The following GPC6 variants were observed in gnomAD, a reference collection of about 807,000 sequenced individuals.
The protein encoded by GPC6 is glypican-6.
In GPC6, 14 loss-of-function variants were observed where a neutral mutation model predicts 55.2. The ratio of observed to expected loss-of-function variants is 0.25; its 90% CI spans 0.17 to 0.40. GPC6 has a LOEUF of 0.40. Among genes scored for constraint, GPC6 ranks in the 10% least tolerant of loss-of-function variants. GPC6 has a pLI of 1.00. For synonymous variants in GPC6, 278 were observed against 259.6 expected (o/e 1.07, Z -0.68); for missense variants, 641 against 708.5 (o/e 0.90, Z 1.08).
intron 1 of GPC6, among the ~76,000 whole-genome samples, chr13:93,442,492 C>A (rs755347178): frequency 6.6e-6 from 1 of 152,136 alleles, no homozygotes; most frequent in Admixed American, 6.6e-5. Context: ...TTTATATCAT[C>A]CTTCTACCAC....
chr13:93,254,715 AAATAGAGAG>A (rs1173228303), intron 1 of GPC6, among the ~76,000 whole-genome samples: 1 of 152,150 alleles, frequency 6.6e-6, no homozygotes, highest in African/African-American at 2.4e-5. Flanking sequence ...TATAAAAAAA[AAATAGAGAG>A]AGTGAGGATG....
At chr13:94,000,732 C>T (rs1881759299) in intron 3 of GPC6, among the ~76,000 whole-genome samples, 1 of 152,158 alleles carries the variant, frequency 6.6e-6, no homozygotes, top group Admixed American at 6.6e-5. Flanking sequence ...TGCATTTACA[C>T]AGCACTTTGC....
At chr13:94,273,616 T>A (rs1002314508) in intron 4 of GPC6, among the ~76,000 whole-genome samples, 1 of 152,214 alleles carries the variant, frequency 6.6e-6, no homozygotes, top group African/African-American at 2.4e-5. Context: ...AGGGTAAGCA[T>A]GTTGATGCTA....
At chr13:94,028,908 G>A (rs1279145104) in intron 4 of GPC6, among the ~76,000 whole-genome samples, 1 of 152,146 alleles carries the variant, frequency 6.6e-6, no homozygotes, top group African/African-American at 2.4e-5. Flanking sequence ...GAGTAAATGT[G>A]TTTTCTCCCC....
chr13:93,584,684 GTTTTTTTTTTTT>G (rs779571682), intron 2 of GPC6, among the ~76,000 whole-genome samples: 2 of 95,572 alleles, frequency 2.1e-5, no homozygotes, highest in African/African-American at 9.4e-5. Flanking sequence ...CCTTCTGAAA[GTTTTTTTTTTTT>G]TTTTTTTTTT....
chr13:94,382,601 T>C (rs1199441940), intron 7 of GPC6, 51 bp downstream of exon 7: 1 of 1,610,642 alleles, frequency 6.2e-7, no homozygotes, highest in Non-Finnish European at 8.5e-7. Context: ...CACCCAGCCT[T>C]GGAAGACTCT....
chr13:93,710,301 A>G (rs1019743445), intron 2 of GPC6, among the ~76,000 whole-genome samples: 1 of 151,868 alleles, frequency 6.6e-6, no homozygotes, highest in Non-Finnish European at 1.5e-5. Context: ...GATAGTATGC[A>G]TATCTGTCAT....
intron 1 of GPC6, among the ~76,000 whole-genome samples, chr13:93,393,109 T>G (rs1243229921): frequency 3.3e-5 from 3 of 91,040 alleles, no homozygotes; most frequent in East Asian, 3.4e-4. Flanking sequence ...GTATATTTGA[T>G]ATATATATAT....
chr13:94,373,500 C>G (rs1057370801), intron 6 of GPC6, among the ~76,000 whole-genome samples: 9 of 151,936 alleles, frequency 5.9e-5, no homozygotes, highest in South Asian at 2.1e-4. Flanking sequence ...GAAGCGAGAA[C>G]GGAAGTTTAG....
At chr13:93,914,639 C>T (rs767063081) in intron 3 of GPC6, among the ~76,000 whole-genome samples, 2 of 152,206 alleles carry the variant, frequency 1.3e-5, no homozygotes, top group Non-Finnish European at 2.9e-5. Flanking sequence ...CATTTTATAA[C>T]ATCTGCTAAT....
rs147522910 is a variant in GPC6, at chr13:93,754,629, T to C, written c.320-75525T>C. Among the ~76,000 whole-genome samples the C allele has an allele frequency of 2.8e-3, 427 of 151,852 alleles. 1 individual carries two copies. The highest frequency in any genetic ancestry group is 9.7e-3 in the African/African-American group (402 of 41,392). On this transcript the variant is annotated intron_variant, in intron 2 of 8. Coordinates refer to ENST00000377047, the MANE Select transcript of GPC6 (RefSeq NM_005708.5). ...GAATCAGAGTACCAGTAAGTATTGA[T>C]AGGAGTAAAACCCATCACAGTGCTA...
chr13:94,178,025 AT>A (rs767978319), intron 4 of GPC6, among the ~76,000 whole-genome samples: 23 of 132,932 alleles, frequency 1.7e-4, no homozygotes, highest in Non-Finnish European at 1.4e-4. Context: ...TGGCCTTTTA[AT>A]TTTTTTTTTT....
At chr13:93,348,247 T>G (rs1880496008) in intron 1 of GPC6, among the ~76,000 whole-genome samples, 1 of 152,180 alleles carries the variant, frequency 6.6e-6, no homozygotes. Flanking sequence ...GGATGTAAAT[T>G]GCAAATTAAT....
intron 1 of GPC6, among the ~76,000 whole-genome samples, chr13:93,411,114 T>G (rs1163721374): frequency 6.6e-6 from 1 of 152,196 alleles, no homozygotes; most frequent in Admixed American, 6.5e-5. Flanking sequence ...GTTAAGATAT[T>G]TCCTCGAAGG....
chr13:94,276,029 A>G (rs1435274280), intron 4 of GPC6, among the ~76,000 whole-genome samples: 1 of 152,220 alleles, frequency 6.6e-6, no homozygotes, highest in African/African-American at 2.4e-5. Flanking sequence ...TTGCAAAACT[A>G]TCAACATTTT....
At position 94,249,746 on chromosome 13, in the gene GPC6, T is replaced by C. The variant is rs562395896; in HGVS notation, c.878-36603T>C. On this transcript the variant is annotated intron_variant, in intron 4 of 8. Transcript: ENST00000377047. ...ATGAACAGACTAAAACAAACAGGAG[T>C]AGTGAAAGTGACCTGCAGAACACTT... Among the ~76,000 whole-genome samples, 12 of 151,636 alleles carry C rather than the reference T, an allele frequency of 7.9e-5. No individual in the cohort carries two copies. In the South Asian group the frequency reaches 2.3e-3, roughly 29 times the overall value.
At chr13:93,809,168 C>G (rs1411507) in intron 2 of GPC6, among the ~76,000 whole-genome samples, 57,465 of 152,056 alleles carry the variant, frequency 0.38, 11,779 homozygotes, top group African/African-American at 0.53. Flanking sequence ...CCCTTCTTTC[C>G]ACTCCTCAGA....
intron 4 of GPC6, among the ~76,000 whole-genome samples, chr13:94,101,328 A>T (rs551388242): frequency 0.012 from 1,890 of 152,338 alleles, 41 homozygotes; most frequent in South Asian, 0.065. Context: ...TGTTATCAAC[A>T]GCAGCCTTTC....
chr13:93,284,794 A>G (rs1305820990), intron 1 of GPC6, among the ~76,000 whole-genome samples: 1 of 152,248 alleles, frequency 6.6e-6, no homozygotes, highest in Non-Finnish European at 1.5e-5. Context: ...GATGGCTTAG[A>G]TAAGTACAAT....
Sources: gnomAD v4.1 joint callset for allele counts (sites outside exome capture counted in the v4.1 genomes callset) on GRCh38, gnomAD v4.1.1 for gene constraint, MANE v1.5 for transcripts, NCBI Gene and HGNC (gene_info 2026-07-23, HGNC 2026-07-21) for gene names.